Variants in RGS7 observed in about 807,000 individuals in gnomAD.
RGS7 encodes the protein regulator of G-protein signaling 7.
In RGS7, 27 loss-of-function variants were observed where a neutral mutation model predicts 81.1. The observed-to-expected ratio is 0.33, with a 90% confidence interval of 0.25 to 0.46. RGS7 has a LOEUF of 0.46. Among genes scored for constraint, RGS7 ranks in the 20% least tolerant of loss-of-function variants. The probability of loss-of-function intolerance (pLI) is 1.00; values close to 1 mark genes in which losing one functional copy is unlikely to be tolerated. For synonymous variants in RGS7, 208 were observed against 207.7 expected, an observed-to-expected ratio of 1.00 and a Z score of -0.01; for missense variants, 396 against 607.4, an observed-to-expected ratio of 0.65 and a Z score of 3.66.
intron 2 of RGS7, among the ~76,000 whole-genome samples, chr1:241,297,230 A>T (rs1234442848): frequency 6.6e-6 from 1 of 152,222 alleles, no homozygotes; most frequent in African/African-American, 2.4e-5. Flanking sequence ...ATGCTGGTGG[A>T]ATGAATTTAT....
intron 3 of RGS7, among the ~76,000 whole-genome samples, chr1:241,004,995 A>G (rs2058609357): frequency 6.6e-6 from 1 of 152,174 alleles, no homozygotes; most frequent in Non-Finnish European, 1.5e-5. Context: ...AGTCCCAACA[A>G]TTCCAACGTG....
At chr1:241,312,873 G>A (rs1211179583) in intron 2 of RGS7, among the ~76,000 whole-genome samples, 2 of 152,172 alleles carry the variant, frequency 1.3e-5, no homozygotes, top group African/African-American at 4.8e-5. Flanking sequence ...CAAACGCAAA[G>A]GAAAAGTTAT....
intron 3 of RGS7, among the ~76,000 whole-genome samples, chr1:241,079,875 T>A (rs2063037693): frequency 6.6e-6 from 1 of 152,082 alleles, no homozygotes; most frequent in Non-Finnish European, 1.5e-5. Flanking sequence ...CTATAATCTC[T>A]AGGATTTAAA....
At chr1:241,037,241 A>G (rs1485022983) in intron 3 of RGS7, among the ~76,000 whole-genome samples, 2 of 152,200 alleles carry the variant, frequency 1.3e-5, no homozygotes, top group African/African-American at 2.4e-5. Flanking sequence ...ATTTGGAGAC[A>G]AAACATTTGT....
chr1:240,953,204 G>C (rs1382696673), intron 4 of RGS7, among the ~76,000 whole-genome samples: 2 of 151,768 alleles, frequency 1.3e-5, no homozygotes, highest in Non-Finnish European at 3.0e-5. Flanking sequence ...TAGTTGACCT[G>C]AAAAGTACTA....
At chr1:240,796,094 A>AT (rs1405209760) in intron 18 of RGS7, among the ~76,000 whole-genome samples, 1 of 152,122 alleles carries the variant, frequency 6.6e-6, no homozygotes, top group Non-Finnish European at 1.5e-5. Flanking sequence ...GCCTTAAATG[A>AT]TTTTTTAAAA....
intron 9 of RGS7, among the ~76,000 whole-genome samples, chr1:240,866,589 G>C (rs756049951): frequency 1.3e-5 from 2 of 152,152 alleles, no homozygotes; most frequent in African/African-American, 2.4e-5. Flanking sequence ...ATCCTCCTTG[G>C]GATGACTTTC....
At chr1:240,935,611 A>G (rs1229617016) in intron 5 of RGS7, among the ~76,000 whole-genome samples, 1 of 152,198 alleles carries the variant, frequency 6.6e-6, no homozygotes, top group Non-Finnish European at 1.5e-5. Flanking sequence ...GGGCAGTGAG[A>G]CTGTTCTATG....
intron 18 of RGS7, among the ~76,000 whole-genome samples, chr1:240,783,924 T>C (rs1269130262): frequency 6.7e-6 from 1 of 150,074 alleles, no homozygotes; most frequent in African/African-American, 2.5e-5. Context: ...GCCTGTAATC[T>C]CAGCACTTTG....
intron 3 of RGS7, among the ~76,000 whole-genome samples, chr1:240,987,510 T>C (rs944407386): frequency 6.6e-6 from 1 of 152,014 alleles, no homozygotes; most frequent in Non-Finnish European, 1.5e-5. Flanking sequence ...CCATGATTTT[T>C]GATGTTATAA....
rs140371939 is a variant in RGS7 at position 241,307,298 on chromosome 1, G to A, written c.78+48401C>T. On this transcript the variant is annotated intron_variant, in intron 2 of 18. Transcript: ENST00000440928. Reference sequence around the variant, plus strand: ...GAAGAAAAACTTACTAAATTCATGCGCCTATTAATAGTTCCACAATGAAGA... The same window carrying A: ...GAAGAAAAACTTACTAAATTCATGCACCTATTAATAGTTCCACAATGAAGA... Among the ~76,000 whole-genome samples the A allele has an allele frequency of 2.6e-3, 402 of 152,172 alleles. 2 individuals carry two copies. Among genetic ancestry groups the A allele is most frequent in the African/African-American group, 9.4e-3 (389 of 41,494 alleles).
At chr1:241,257,964 A>G (rs1280459216) in intron 2 of RGS7, among the ~76,000 whole-genome samples, 2 of 152,200 alleles carry the variant, frequency 1.3e-5, no homozygotes, top group Non-Finnish European at 2.9e-5. Context: ...AGATACTCAT[A>G]TAGTATAAAG....
chr1:240,865,588 T>C (rs960167935), intron 9 of RGS7, among the ~76,000 whole-genome samples: 1 of 152,238 alleles, frequency 6.6e-6, no homozygotes, highest in African/African-American at 2.4e-5. Context: ...ACAGCCACAG[T>C]CAGGACAGAC....
chr1:240,896,246 T>C (rs1205890206), intron 6 of RGS7, among the ~76,000 whole-genome samples: 5 of 152,224 alleles, frequency 3.3e-5, no homozygotes, highest in African/African-American at 4.8e-5. Context: ...CTGTTCACTC[T>C]GATGGTAGTT....
At chr1:241,121,815 C>CA (rs2066283116) in intron 2 of RGS7, among the ~76,000 whole-genome samples, 1 of 141,054 alleles carries the variant, frequency 7.1e-6, no homozygotes, top group African/African-American at 2.6e-5. Context: ...CCTCCTAGCT[C>CA]AAGCAGATTC....
intron 9 of RGS7, among the ~76,000 whole-genome samples, chr1:240,839,514 A>G (rs563395858): frequency 1.3e-5 from 2 of 152,342 alleles, no homozygotes; most frequent in East Asian, 3.9e-4. Flanking sequence ...TTATCAGTAC[A>G]TACATATCAT....
intron 2 of RGS7, among the ~76,000 whole-genome samples, chr1:241,240,215 T>C (rs576863933): frequency 6.6e-6 from 1 of 152,190 alleles, no homozygotes; most frequent in African/African-American, 2.4e-5. Context: ...AGCTGAGTCA[T>C]CTGATGGACA....
chr1:241,314,949 G>A (rs1177973912), intron 2 of RGS7, among the ~76,000 whole-genome samples: 1 of 152,080 alleles, frequency 6.6e-6, no homozygotes, highest in Non-Finnish European at 1.5e-5. Flanking sequence ...AGTAGAAATG[G>A]TTTAAAGTGA....
chr1:240,927,846 T>A (rs947776587), intron 6 of RGS7, among the ~76,000 whole-genome samples: 3 of 152,200 alleles, frequency 2.0e-5, no homozygotes, highest in Non-Finnish European at 4.4e-5. Flanking sequence ...AAGTAGCAAG[T>A]ATTCCAGGTT....
Sources: allele counts gnomAD v4.1 joint callset (sites outside exome capture counted in the v4.1 genomes callset), GRCh38; gene constraint gnomAD v4.1.1; transcripts MANE v1.5; gene names NCBI Gene and HGNC (gene_info 2026-07-23, HGNC 2026-07-21).